The following PHF21A variants were observed in gnomAD, a reference collection of about 807,000 sequenced individuals.
PHF21A encodes BHC80a.
A neutral mutation model predicts 82.5 loss-of-function variants in PHF21A; 11 were observed. That is an observed-to-expected ratio of 0.13 (90% CI 0.08 to 0.22). The LOEUF (loss-of-function observed/expected upper bound fraction) is 0.22, where lower values mean the gene tolerates loss of function less well. Ranked by LOEUF, PHF21A falls within the 10% of genes least tolerant of loss-of-function variation. The probability of loss-of-function intolerance (pLI) is 1.00; values close to 1 mark genes in which losing one functional copy is unlikely to be tolerated. For missense variants in PHF21A, 579 were observed against 837.8 expected (o/e 0.69, Z 3.81); for synonymous variants, 297 against 302.8 (o/e 0.98, Z 0.20).
intron 16 of PHF21A, among the ~76,000 whole-genome samples, chr11:45,937,812 A>G (rs1013174779): frequency 4.6e-5 from 7 of 152,180 alleles, no homozygotes; most frequent in African/African-American, 1.7e-4. Context: ...CAACTGGGCA[A>G]TTTCCCTTAA....
chr11:46,013,777 G>T (rs936478394), intron 6 of PHF21A, among the ~76,000 whole-genome samples: 1 of 152,116 alleles, frequency 6.6e-6, no homozygotes, highest in African/African-American at 2.4e-5. Context: ...GGTAACAATG[G>T]TAAGTATTTG....
At position 46,121,188 on chromosome 11, in the gene PHF21A, C is replaced by CTCTCTG. The variant is rs1853190367; in HGVS notation, c.-491_-490insCAGAGA. ...CTCCTCTCTCTCTCACTCACTCTCT[C>CTCTCTG]TCTCTCTCTCTCTCTGGGCTGTTTC... On this transcript the variant is annotated 5_prime_UTR_variant, in exon 1 of 19. Coordinates refer to ENST00000676320, the MANE Select transcript of PHF21A (RefSeq NM_001352027.3). The CTCTCTG allele has an allele frequency of 6.8e-6, 1 of 147,100 alleles. No individual in the cohort carries two copies. Among genetic ancestry groups the CTCTCTG allele is most frequent in the Non-Finnish European group, 1.5e-5 (1 of 66,470 alleles). 9.1% of individuals were successfully genotyped at this position (147,100 alleles called of 1,614,324 possible).
In PHF21A at chr11:45,936,576, A is replaced by G. The variant is rs1226395265; in HGVS notation, c.1609-7T>C. The G allele has an allele frequency of 6.2e-7, 1 of 1,604,010 alleles. No homozygotes were observed. Among genetic ancestry groups the G allele is most frequent in the East Asian group, 2.2e-5 (1 of 44,814 alleles). ...CTTCTTCCTTCTTCAGCATCTGAAA[A>G]GATTTTTAGAATTTTACCTTGAGAA... On this transcript the variant is annotated splice_polypyrimidine_tract_variant and splice_region_variant and intron_variant, in intron 16 of 18. Coordinates refer to ENST00000676320, the MANE Select transcript of PHF21A (RefSeq NM_001352027.3).
At chr11:46,113,136 A>G (rs1357127016) in intron 1 of PHF21A, among the ~76,000 whole-genome samples, 1 of 152,240 alleles carries the variant, frequency 6.6e-6, no homozygotes, top group East Asian at 1.9e-4. Flanking sequence ...GTTTAAATCA[A>G]CTACAGGTCC....
chr11:45,959,317 T>C (rs1307924272), intron 10 of PHF21A, among the ~76,000 whole-genome samples: 1 of 152,246 alleles, frequency 6.6e-6, no homozygotes, highest in African/African-American at 2.4e-5. Context: ...TCATGTTGTA[T>C]ACCTTATACA....
intron 6 of PHF21A, among the ~76,000 whole-genome samples, chr11:46,002,606 T>C (rs1182516942): frequency 1.3e-5 from 2 of 152,140 alleles, no homozygotes; most frequent in Non-Finnish European, 2.9e-5. Flanking sequence ...AGGGAACTTA[T>C]TTACGTCACA....
Position 45,965,343 on chromosome 11 carries a change from T to C in PHF21A, c.968A>G (p.Gln323Arg). ...TTTTTCAAGACTTGGCTTGCTAAGC[T>C]GTACAGTTTGAGGTCCAGCGAGTCT... ...GTRLAGPQTVQLSKPSLEKQT... is the reference protein window; with the variant it reads ...GTRLAGPQTVRLSKPSLEKQT... Residue 323 changes from glutamine to arginine, a missense_variant, in exon 10 of 19, where the codon CAG (glutamine) becomes CGG (arginine). Physicochemically the swap from Gln to Arg is conservative, Grantham distance 43 (BLOSUM62 1). Transcript: ENST00000676320. 1 of 1,613,730 alleles carries C rather than the reference T, an allele frequency of 6.2e-7. No individual in the cohort carries two copies. Among genetic ancestry groups the C allele is most frequent in the Non-Finnish European group, 8.5e-7 (1 of 1,179,894 alleles).
intron 6 of PHF21A, among the ~76,000 whole-genome samples, chr11:46,034,226 C>G (rs2095935459): frequency 6.6e-6 from 1 of 151,728 alleles, no homozygotes; most frequent in African/African-American, 2.4e-5. Flanking sequence ...CCCCCACCCC[C>G]CCCTTGCATA....
Position 46,038,363 on chromosome 11 carries a change from A to T in PHF21A, c.153+38391T>A, listed in dbSNP as rs151228359. On this transcript the variant is annotated intron_variant, in intron 6 of 18. Coordinates refer to ENST00000676320, the MANE Select transcript of PHF21A (RefSeq NM_001352027.3). ...GGCTGGTTTTGAACTCCTGACCTCA[A>T]GTGATCCACCCGCCTCAGCCTCCCA... is the stretch of plus-strand genomic sequence containing the variant. Among the ~76,000 whole-genome samples the T allele has an allele frequency of 4.0e-3, 606 of 152,054 alleles. 5 individuals carry two copies. Among genetic ancestry groups the T allele is most frequent in the African/African-American group, 0.014 (585 of 41,492 alleles).
At chr11:45,969,304 T>C (rs896660579) in intron 9 of PHF21A, among the ~76,000 whole-genome samples, 7 of 152,202 alleles carry the variant, frequency 4.6e-5, no homozygotes, top group Non-Finnish European at 1.0e-4. Context: ...GCAGAGCTGC[T>C]CGGGCCTAGG....
At chr11:46,055,900 A>T (rs948205387) in intron 6 of PHF21A, among the ~76,000 whole-genome samples, 2 of 152,190 alleles carry the variant, frequency 1.3e-5, no homozygotes, top group Non-Finnish European at 2.9e-5. Flanking sequence ...GCTAATTCAG[A>T]ATCAGTTCCC....
intron 6 of PHF21A, among the ~76,000 whole-genome samples, chr11:46,045,932 T>G (rs1324033137): frequency 6.6e-6 from 1 of 152,208 alleles, no homozygotes; most frequent in Non-Finnish European, 1.5e-5. Context: ...AGTTCACAAC[T>G]GGCTCTGTTT....
intron 18 of PHF21A, 23 bp downstream of exon 18, chr11:45,935,613 C>T: frequency 1.8e-6 from 2 of 1,093,600 alleles, no homozygotes; most frequent in Non-Finnish European, 2.8e-6. Context: ...GTATCGACTG[C>T]TGAAGGCATG....
chr11:45,977,107 G>C (rs897121821), intron 7 of PHF21A, among the ~76,000 whole-genome samples: 2 of 150,940 alleles, frequency 1.3e-5, no homozygotes, highest in African/African-American at 4.9e-5. Flanking sequence ...GAAAGGAAAA[G>C]CTATTATATT....
intron 6 of PHF21A, among the ~76,000 whole-genome samples, chr11:46,014,374 A>G (rs1391952464): frequency 9.2e-5 from 14 of 152,298 alleles, no homozygotes; most frequent in Non-Finnish European, 1.5e-5. Context: ...GTAATATTCC[A>G]GTGTATATGC....
intron 6 of PHF21A, among the ~76,000 whole-genome samples, chr11:45,998,272 T>C (rs1461535514): frequency 1.3e-5 from 2 of 152,210 alleles, no homozygotes; most frequent in Admixed American, 1.3e-4. Context: ...CAAATATCAA[T>C]TTGCCTGCTG....
At chr11:46,086,952 G>T (rs1258749468) in intron 3 of PHF21A, among the ~76,000 whole-genome samples, 1 of 152,062 alleles carries the variant, frequency 6.6e-6, no homozygotes, top group Non-Finnish European at 1.5e-5. Flanking sequence ...CAACAAACAT[G>T]AAAAACTTCC....
intron 6 of PHF21A, among the ~76,000 whole-genome samples, chr11:46,009,444 T>C (rs1404611384): frequency 6.6e-6 from 1 of 152,214 alleles, no homozygotes; most frequent in Non-Finnish European, 1.5e-5. Flanking sequence ...TGAAACCCTA[T>C]TATACCAAGT....
chr11:45,945,883 G>T lies in PHF21A; in HGVS notation c.1409C>A (p.Ala470Glu). The change falls in exon 15 of 19, where the codon GCA (alanine) becomes GAA (glutamate). Residue 470 changes from alanine to glutamate, a missense_variant. Ala to Glu is a moderately radical substitution (Grantham distance 107). This residue lies in a region of PHF21A where 410 missense variants were observed against 642.1 expected (regional missense o/e 0.64). Transcript: ENST00000676320. The stretch of plus-strand genomic sequence containing the variant: ...GGGCAGGGACACAGGCTGAACAGGT[G>T]CAGGGAAAGTGAATGTGGTCTCTGT... ...EKTETTFTFPAPVQPVSLPSP... is the reference protein window; with the variant it reads ...EKTETTFTFPEPVQPVSLPSP... 6.2e-7 allele frequency: 1 copy of T among 1,609,846 alleles called. No individual in the cohort carries two copies. Among genetic ancestry groups the T allele is most frequent in the South Asian group, 1.1e-5 (1 of 90,818 alleles).
Sources: allele counts gnomAD v4.1 joint callset (sites outside exome capture counted in the v4.1 genomes callset), GRCh38; gene constraint gnomAD v4.1.1; regional missense constraint gnomAD v4.1.1; transcripts MANE v1.5; gene names NCBI Gene and HGNC (gene_info 2026-07-23, HGNC 2026-07-21).